Variants in SFTPA2 observed in about 807,000 individuals in gnomAD.
SFTPA2 encodes the protein surfactant protein A2.
In SFTPA2, 21 loss-of-function variants were observed where a neutral mutation model predicts 20.3. The ratio of observed to expected loss-of-function variants is 1.03; its 90% confidence interval spans 0.73 to 1.49. SFTPA2 has a LOEUF of 1.49. Among genes scored for constraint, SFTPA2 ranks in the 40% most tolerant of loss-of-function variants. SFTPA2 has a pLI of 0.00. For missense variants in SFTPA2, 302 were observed against 314.8 expected (o/e 0.96, Z 0.31); for synonymous variants, 116 against 118.7 (o/e 0.98, Z 0.15).
Position 79,556,141 on chromosome 10 carries a change from A to G in SFTPA2, c.*1068T>C, listed in dbSNP as rs1858764762. ...TTTGTCAAGGTGTGTGGCACATGGT[A>G]TGTGCTCGGTCAATAGCCTTTGTGT... is the stretch of plus-strand genomic sequence containing the variant. On this transcript the variant is annotated 3_prime_UTR_variant, in exon 6 of 6. Coordinates refer to ENST00000372325, the MANE Select transcript of SFTPA2 (RefSeq NM_001098668.4). 6.0e-6 allele frequency: 1 copy of G among 167,126 alleles called. No homozygotes were observed. The highest frequency in any genetic ancestry group is 2.1e-4 in the South Asian group (1 of 4,832). 10.4% of individuals were successfully genotyped at this position (167,126 alleles called of 1,614,324 possible).
intron 5 of SFTPA2, among the ~76,000 whole-genome samples, 154 bp downstream of exon 5, chr10:79,557,898 G>T (rs1315247139): frequency 6.6e-6 from 1 of 152,096 alleles, no homozygotes; most frequent in African/African-American, 2.4e-5. Flanking sequence ...TCTCCTCTTG[G>T]CCATTCAAAG....
At chr10:79,558,304 G>C (rs906284143) in intron 4 of SFTPA2, 175 bp from the exon 5 acceptor site, 27 of 959,192 alleles carry the variant, frequency 2.8e-5, no homozygotes, top group African/African-American at 3.5e-5. Flanking sequence ...TCCACACCCC[G>C]TGGTCCCCTA....
chr10:79,557,665 A>C lies in SFTPA2; in HGVS notation c.371-80T>G, dbSNP rs1232155510. ...TCCCTCACCTAGGGTCTCTGCTACC[A>C]GATTCTCCCCAGTCTCTCCATCTCT... On this transcript the variant is annotated intron_variant, in intron 5 of 5. Transcript: ENST00000372325. 3.7e-6 allele frequency: 6 copies of C among 1,600,432 alleles called. No individual in the cohort carries two copies. The African/African-American group carries it at 6.7e-5, about 18-fold the overall frequency.
intron 5 of SFTPA2, among the ~76,000 whole-genome samples, chr10:79,557,806 C>T (rs1303975243): frequency 1.3e-5 from 2 of 152,182 alleles, no homozygotes; most frequent in Non-Finnish European, 1.5e-5. Flanking sequence ...AGAAATGGTG[C>T]AATTTCCTAG....
Position 79,558,833 on chromosome 10 carries a change from CTT to C in SFTPA2, c.292+51_292+52del. ...ACCCCCATCACCCCTGTGTAACTGACTTCAGGTCGCTGTGCCCATGTTTCCAC... is the reference window on the plus strand; with the variant it reads ...ACCCCCATCACCCCTGTGTAACTGACCAGGTCGCTGTGCCCATGTTTCCAC... On this transcript the variant is annotated intron_variant, in intron 4 of 5. Transcript: ENST00000372325. The C allele has an allele frequency of 1.9e-6, 3 of 1,609,242 alleles. No homozygotes were observed. In the South Asian group the frequency reaches 3.3e-5, roughly 18 times the overall value.
In SFTPA2 at chr10:79,558,875, G is replaced by A. The variant is rs182465294; in HGVS notation, c.292+11C>T. 7,359 of 1,613,858 alleles carry A rather than the reference G, an allele frequency of 4.6e-3. 44 individuals are homozygous for A. Among genetic ancestry groups the A allele is most frequent in the African/African-American group, 0.025 (1,842 of 74,924 alleles). ...CATGTTTCCACTGCCCACCTGCCCC[G>A]CCCTGCTCACCTGGAGGGCCTCTCT... is the stretch of plus-strand genomic sequence containing the variant. On this transcript the variant is annotated intron_variant, in intron 4 of 5. Transcript: ENST00000372325.
At position 79,558,811 on chromosome 10, in the gene SFTPA2, C is replaced by T. The variant is rs140336193; in HGVS notation, c.292+75G>A. ...GGGAACCTGCAGGGTTTGTCTGACC[C>T]CCATCACCCCTGTGTAACTGACTTC... On this transcript the variant is annotated intron_variant, in intron 4 of 5. Coordinates refer to ENST00000372325, the MANE Select transcript of SFTPA2 (RefSeq NM_001098668.4). The T allele has an allele frequency of 1.3e-3, 2,022 of 1,611,838 alleles. 23 individuals are homozygous for T. In the African/African-American group the frequency reaches 0.025, roughly 20 times the overall value.
rs1161694786 is a variant in SFTPA2, at chr10:79,556,233, A to G, written c.*976T>C. On this transcript the variant is annotated 3_prime_UTR_variant, in exon 6 of 6. Coordinates refer to ENST00000372325, the MANE Select transcript of SFTPA2 (RefSeq NM_001098668.4). ...GGTAATAATTGTGACAGCAACAAGTATTTTTATCCCCATTTCACAGATGAA... is the reference window on the plus strand; with the variant it reads ...GGTAATAATTGTGACAGCAACAAGTGTTTTTATCCCCATTTCACAGATGAA... The G allele has an allele frequency of 6.0e-6, 1 of 167,850 alleles. No homozygotes were observed. Among genetic ancestry groups the G allele is most frequent in the Non-Finnish European group, 1.5e-5 (1 of 68,216 alleles). 10.4% of individuals were successfully genotyped at this position (167,850 alleles called of 1,614,324 possible).
rs774119841 is a variant in SFTPA2 at position 79,559,456 on chromosome 10, G to A, written c.28C>T (p.Leu10Phe). 9.3e-6 allele frequency: 15 copies of A among 1,613,308 alleles called. No individual in the cohort carries two copies. Among genetic ancestry groups the A allele is most frequent in the Non-Finnish European group, 1.1e-5 (13 of 1,179,578 alleles). MWLCPLALT[L>F]ILMAASGAAC... is the part of the protein sequence containing the mutation. Reference sequence around the variant, plus strand: ...GCACCAGAGGCTGCCATCAAGATGAGGGTGAGGGCCAGAGGGCACAGCCAC... The same window carrying A: ...GCACCAGAGGCTGCCATCAAGATGAAGGTGAGGGCCAGAGGGCACAGCCAC... The change falls in exon 3 of 6, where the codon CTC becomes TTC. Residue 10 changes from leucine to phenylalanine, a missense_variant. Around this residue, in one of 3 missense-constraint regions of SFTPA2, gnomAD observed 31 missense variants for 29.8 expected, o/e 1.04. Coordinates refer to ENST00000372325, the MANE Select transcript of SFTPA2 (RefSeq NM_001098668.4).
Position 79,557,236 on chromosome 10 carries a change from G to C in SFTPA2, c.720C>G (p.Tyr240Ter), listed in dbSNP as rs1439805082. The C allele has an allele frequency of 1.2e-6, 2 of 1,614,208 alleles. No individual in the cohort carries two copies. Among genetic ancestry groups the C allele is most frequent in the South Asian group, 2.2e-5 (2 of 91,090 alleles). ...DGQWNDRNCL[Y>*]SRLTICEF ...AGAACTCACAGATGGTCAGTCGGGAGTACAGGCAGTTCCTGTCATTCCACT... is the reference window on the plus strand; with the variant it reads ...AGAACTCACAGATGGTCAGTCGGGACTACAGGCAGTTCCTGTCATTCCACT... The change falls in exon 6 of 6, where the codon TAC becomes TAG. Residue 240 changes from tyrosine to a stop codon, truncating the protein, a stop_gained. Transcript: ENST00000372325. LOFTEE classifies it high-confidence loss of function.
intron 4 of SFTPA2, 48 bp from the exon 5 acceptor site, chr10:79,558,177 C>A: frequency 4.3e-6 from 7 of 1,613,490 alleles, no homozygotes; most frequent in Non-Finnish European, 1.7e-6. Flanking sequence ...AGTGAAGACT[C>A]CCACTTGCTG....
chr10:79,560,068 C>A, intron 1 of SFTPA2, 70 bp from the exon 2 acceptor site: 1 of 1,037,822 alleles, frequency 9.6e-7, no homozygotes, highest in Non-Finnish European at 1.2e-6. Flanking sequence ...GGGGTGATGA[C>A]CCTCTCACAG....
intron 5 of SFTPA2, among the ~76,000 whole-genome samples, chr10:79,557,845 A>C (rs1006117247): frequency 3.3e-5 from 5 of 152,210 alleles, no homozygotes; most frequent in African/African-American, 9.6e-5. Context: ...ACAGGCAGAG[A>C]ACTTGCTTTC....
At chr10:79,559,555 C>G in intron 2 of SFTPA2, 49 bp from the exon 3 acceptor site, 1 of 1,606,902 alleles carries the variant, frequency 6.2e-7, no homozygotes, top group Non-Finnish European at 8.5e-7. Context: ...GCCAACATCT[C>G]CCCCACTGTG....
Position 79,557,414 on chromosome 10 carries a change from T to G in SFTPA2, c.542A>C (p.Tyr181Ser). Residue 181 changes from tyrosine (Y) to serine (S), a missense_variant, in exon 6 of 6, where the codon TAC becomes TCC. Tyr to Ser is a moderately radical substitution (Grantham distance 144, BLOSUM62 -2). Around this residue, in one of 3 missense-constraint regions of SFTPA2, gnomAD observed 264 missense variants for 261.7 expected, o/e 1.01. Transcript: ENST00000372325. ...CAGGCCTACATAGGCATATGTGTTG[T>G]ACTTCTTCACGAAGCTTGCAATGGC... ...NEAIASFVKK[Y>S]NTYAYVGLTE... 1 of 1,613,974 alleles carries G rather than the reference T, an allele frequency of 6.2e-7. No homozygotes were observed. The highest frequency in any genetic ancestry group is 8.5e-7 in the Non-Finnish European group (1 of 1,179,888).
At chr10:79,559,046 C>T (rs373334850) in intron 3 of SFTPA2, 41 bp from the exon 4 acceptor site, 2 of 1,614,144 alleles carry the variant, frequency 1.2e-6, no homozygotes, top group Non-Finnish European at 1.7e-6. Flanking sequence ...ATCTGTCACC[C>T]ACAACTGGTT....
At position 79,559,458 on chromosome 10, in the gene SFTPA2, G is replaced by C. The variant is rs1059046; in HGVS notation, c.26C>G (p.Thr9Ser). The change falls in exon 3 of 6, where the codon ACC (threonine) becomes AGC (serine). Residue 9 changes from threonine to serine, a missense_variant. By Grantham distance (58) the Thr-to-Ser change is moderately conservative. Around this residue, in one of 3 missense-constraint regions of SFTPA2, gnomAD observed 31 missense variants for 29.8 expected, o/e 1.04. Coordinates refer to ENST00000372325, the MANE Select transcript of SFTPA2 (RefSeq NM_001098668.4). ...ACCAGAGGCTGCCATCAAGATGAGG[G>C]TGAGGGCCAGAGGGCACAGCCACAT... is the stretch of plus-strand genomic sequence containing the variant. MWLCPLALTLILMAASGAA... is the reference protein window; with the variant it reads MWLCPLALSLILMAASGAA... The C allele has an allele frequency of 3.1e-6, 5 of 1,602,498 alleles. No homozygotes were observed. The East Asian group carries it at 9.0e-5, about 29-fold the overall frequency.
rs1858790850 is a variant in SFTPA2, at chr10:79,556,538, C to T, written c.*671G>A. 6.5e-6 allele frequency: 1 copy of T among 154,154 alleles called. No homozygotes were observed. Among genetic ancestry groups the T allele is most frequent in the Admixed American group, 6.4e-5 (1 of 15,554 alleles). 9.5% of individuals were successfully genotyped at this position (154,154 alleles called of 1,614,324 possible). A position where few individuals can be genotyped will look rare whatever the true frequency, so the allele number is the denominator to read the frequency against. ...AGGCCTTGGCCGGCTGCCTCCAGGT[C>T]AGGGGGCTGAGTTGGCATCCAAAGA... On this transcript the variant is annotated 3_prime_UTR_variant, in exon 6 of 6. Coordinates refer to ENST00000372325, the MANE Select transcript of SFTPA2 (RefSeq NM_001098668.4).
intron 3 of SFTPA2, 112 bp from the exon 4 acceptor site, chr10:79,559,117 C>T: frequency 2.5e-6 from 4 of 1,607,646 alleles, no homozygotes; most frequent in Non-Finnish European, 3.4e-6. Flanking sequence ...ACTCCGTGGG[C>T]ACTATGAGGA....
Sources: gnomAD v4.1 joint callset for allele counts (sites outside exome capture counted in the v4.1 genomes callset) on GRCh38, gnomAD v4.1.1 for gene constraint, gnomAD v4.1.1 regional missense constraint, MANE v1.5 for transcripts, NCBI Gene and HGNC (gene_info 2026-07-23, HGNC 2026-07-21) for gene names.